The following AUTS2 variants were observed in gnomAD, a reference collection of about 807,000 sequenced individuals.
AUTS2 encodes the protein activator of transcription and developmental regulator AUTS2.
In AUTS2, 17 loss-of-function variants were observed where a neutral mutation model predicts 112.4. The ratio of observed to expected loss-of-function variants is 0.15; its 90% CI spans 0.10 to 0.23. AUTS2 has a LOEUF of 0.23. AUTS2 is among the 10% of genes least tolerant of loss of function. The probability of loss-of-function intolerance (pLI) is 1.00; values close to 1 mark genes in which losing one functional copy is unlikely to be tolerated. For synonymous variants in AUTS2, 751 were observed against 702.7 expected (o/e 1.07, Z -1.09); for missense variants, 1,510 against 1,701.6 (o/e 0.89, Z 1.98).
intron 1 of AUTS2, among the ~76,000 whole-genome samples, chr7:69,602,010 A>ATGTG (rs72245364): frequency 1.4e-5 from 2 of 140,766 alleles, no homozygotes; most frequent in African/African-American, 2.7e-5. Flanking sequence ...GTAGGGATAT[A>ATGTG]TGTGTGTGTG....
intron 1 of AUTS2, among the ~76,000 whole-genome samples, chr7:69,649,113 T>A (rs1795172960): frequency 6.6e-6 from 1 of 152,196 alleles, no homozygotes; most frequent in African/African-American, 2.4e-5. Flanking sequence ...TAATGTCTCT[T>A]CTTGTACGTG....
chr7:70,669,613 C>G (rs1179573861), intron 5 of AUTS2, among the ~76,000 whole-genome samples: 2 of 152,230 alleles, frequency 1.3e-5, no homozygotes, highest in East Asian at 3.8e-4. Flanking sequence ...GTAAACCTCT[C>G]TATTTTGTAC....
At chr7:69,833,529 G>C (rs1056312510) in intron 1 of AUTS2, among the ~76,000 whole-genome samples, 3 of 151,958 alleles carry the variant, frequency 2.0e-5, no homozygotes, top group African/African-American at 7.3e-5. Context: ...TCGTCTCCTG[G>C]GTTCAAGCGA....
chr7:70,011,063 GA>G (rs1799782207), intron 2 of AUTS2, among the ~76,000 whole-genome samples: 1 of 152,160 alleles, frequency 6.6e-6, no homozygotes, highest in Admixed American at 6.5e-5. Flanking sequence ...TTTAAAATAG[GA>G]GTTAAGGCTA....
intron 5 of AUTS2, among the ~76,000 whole-genome samples, chr7:70,445,013 A>T (rs1796265909): frequency 6.6e-6 from 1 of 152,232 alleles, no homozygotes; most frequent in African/African-American, 2.4e-5. Context: ...AATAGTAATA[A>T]TAAGCACCAC....
intron 4 of AUTS2, among the ~76,000 whole-genome samples, chr7:70,420,143 T>A (rs1262834292): frequency 6.6e-6 from 1 of 152,232 alleles, no homozygotes; most frequent in Non-Finnish European, 1.5e-5. Flanking sequence ...TACCTTTGTA[T>A]TTGTTCTGTT....
chr7:69,780,579 T>G (rs1213596422), intron 1 of AUTS2, among the ~76,000 whole-genome samples: 1 of 152,210 alleles, frequency 6.6e-6, no homozygotes, highest in South Asian at 2.1e-4. Flanking sequence ...CATTTGATGC[T>G]AATTTCACAG....
intron 1 of AUTS2, among the ~76,000 whole-genome samples, chr7:69,836,936 A>G (rs144097775): frequency 3.8e-4 from 58 of 152,320 alleles, no homozygotes; most frequent in African/African-American, 1.4e-3. Context: ...ATTAGTACAC[A>G]GTAAATGTTA....
chr7:70,047,759 C>G (rs1341509591), intron 2 of AUTS2, among the ~76,000 whole-genome samples: 2 of 151,900 alleles, frequency 1.3e-5, no homozygotes, highest in African/African-American at 2.4e-5. Context: ...AGAGTGTGTG[C>G]TAGGTGAAGA....
intron 4 of AUTS2, among the ~76,000 whole-genome samples, chr7:70,189,052 C>T (rs930809430): frequency 6.6e-6 from 1 of 152,100 alleles, no homozygotes; most frequent in Admixed American, 6.5e-5. Flanking sequence ...CTAGTGATAA[C>T]CTGGTGAAAA....
At position 70,323,782 on chromosome 7, in the gene AUTS2, A is replaced by G. The variant is rs190054507; in HGVS notation, c.661-111970A>G. 2.0e-5 allele frequency among the ~76,000 whole-genome samples: 3 copies of G among 152,338 alleles called. No individual in the cohort carries two copies. The East Asian group carries it at 5.8e-4, about 29-fold the overall frequency. On this transcript the variant is annotated intron_variant, in intron 4 of 18. Coordinates refer to ENST00000342771, the MANE Select transcript of AUTS2 (RefSeq NM_015570.4). ...TAATATCATGTAGCTGTGCTTATTTAACTGCTTAGCCCAGATGGTAATGCC... is the reference window on the plus strand; with the variant it reads ...TAATATCATGTAGCTGTGCTTATTTGACTGCTTAGCCCAGATGGTAATGCC...
At chr7:70,087,439 G>A (rs1426137656) in intron 2 of AUTS2, among the ~76,000 whole-genome samples, 12 of 147,754 alleles carry the variant, frequency 8.1e-5, no homozygotes, top group African/African-American at 3.0e-4. Flanking sequence ...GCGTGATCTC[G>A]GCTCACTGCA....
Position 70,140,845 on chromosome 7 carries a change from T to C in AUTS2, c.660+6274T>C, listed in dbSNP as rs570949794. Among the ~76,000 whole-genome samples, 11 of 152,260 alleles carry C rather than the reference T, an allele frequency of 7.2e-5. 1 individual carries two copies. Among genetic ancestry groups the C allele is most frequent in the Admixed American group, 5.9e-4 (9 of 15,294 alleles). On this transcript the variant is annotated intron_variant, in intron 4 of 18. Coordinates refer to ENST00000342771, the MANE Select transcript of AUTS2 (RefSeq NM_015570.4). Reference sequence around the variant, plus strand: ...GGCATTTGGACTAATTGATAAGGAGTTGAGTTGGAAAACTACTCTCCAGAT... The same window carrying C: ...GGCATTTGGACTAATTGATAAGGAGCTGAGTTGGAAAACTACTCTCCAGAT...
chr7:70,674,943 G>A (rs1456797117), intron 5 of AUTS2, among the ~76,000 whole-genome samples: 1 of 152,124 alleles, frequency 6.6e-6, no homozygotes, highest in South Asian at 2.1e-4. Context: ...TGCATTTGTT[G>A]ATTCTCTTAC....
chr7:70,343,960 T>C (rs1045776102), intron 4 of AUTS2, among the ~76,000 whole-genome samples: 4 of 152,106 alleles, frequency 2.6e-5, no homozygotes, highest in East Asian at 1.9e-4. Context: ...TTGCAGCCCA[T>C]TGAAGCTACA....
At chr7:70,018,174 T>G (rs996207007) in intron 2 of AUTS2, among the ~76,000 whole-genome samples, 3 of 152,290 alleles carry the variant, frequency 2.0e-5, no homozygotes, top group Admixed American at 1.3e-4. Context: ...TAGCCCCTTT[T>G]GTAGTCTATT....
chr7:70,084,055 G>C (rs1803458442), intron 2 of AUTS2, among the ~76,000 whole-genome samples: 1 of 150,970 alleles, frequency 6.6e-6, no homozygotes, highest in Non-Finnish European at 1.5e-5. Flanking sequence ...TTATTCCCTG[G>C]CAAAAAAACA....
intron 1 of AUTS2, among the ~76,000 whole-genome samples, chr7:69,738,542 A>G (rs942209613): frequency 7.9e-5 from 12 of 152,098 alleles, no homozygotes; most frequent in Admixed American, 7.9e-4. Context: ...CAGGGTAAAC[A>G]TTTAAGCCTG....
At chr7:69,844,948 G>A (rs1208290860) in intron 1 of AUTS2, among the ~76,000 whole-genome samples, 2 of 152,114 alleles carry the variant, frequency 1.3e-5, no homozygotes, top group African/African-American at 2.4e-5. Flanking sequence ...GGACATAATA[G>A]GATTGTGGAG....
Sources: gnomAD v4.1 joint callset for allele counts (sites outside exome capture counted in the v4.1 genomes callset) on GRCh38, gnomAD v4.1.1 for gene constraint, MANE v1.5 for transcripts, NCBI Gene and HGNC (gene_info 2026-07-23, HGNC 2026-07-21) for gene names.